Variants in PHKG2 observed in about 807,000 individuals in gnomAD.
PHKG2 encodes phosphorylase kinase catalytic subunit gamma 2, also known as phosphorylase b kinase gamma catalytic chain, liver/testis isoform.
In PHKG2, 28 loss-of-function variants were observed where a neutral mutation model predicts 44.5. The observed-to-expected ratio is 0.63, with a 90% CI of 0.47 to 0.86. PHKG2 has a LOEUF of 0.86. Among genes scored for constraint, PHKG2 ranks in the 40% least tolerant of loss-of-function variants. The probability of loss-of-function intolerance (pLI) is 0.00; values close to 1 mark genes in which losing one functional copy is unlikely to be tolerated. For synonymous variants in PHKG2, 220 were observed against 211.2 expected (o/e 1.04, Z -0.36); for missense variants, 498 against 547.5 (o/e 0.91, Z 0.90).
chr16:30,760,072 T>A lies in PHKG2; in HGVS notation c.*2975T>A. On this transcript the variant is annotated 3_prime_UTR_variant, in exon 10 of 10. Coordinates refer to ENST00000563588, the MANE Select transcript of PHKG2 (RefSeq NM_000294.3). The stretch of plus-strand genomic sequence containing the variant: ...CTATGCATATATTTGCATATATTAT[T>A]TCTCAGAACAGTCCTGTAAAATGTG... The A allele has an allele frequency of 6.5e-7, 1 of 1,532,568 alleles. No individual in the cohort carries two copies. Among genetic ancestry groups the A allele is most frequent in the Non-Finnish European group, 8.7e-7 (1 of 1,145,186 alleles). 94.9% of individuals were successfully genotyped at this position (1,532,568 alleles called of 1,614,324 possible). A position where few individuals can be genotyped will look rare whatever the true frequency, so the allele number is the denominator to read the frequency against.
At position 30,748,798 on chromosome 16, in the gene PHKG2, C is replaced by A. The variant is rs1204069643; in HGVS notation, c.-18-5C>A. 6 of 1,537,664 alleles carry A rather than the reference C, an allele frequency of 3.9e-6. No individual in the cohort carries two copies. The Middle Eastern group carries it at 8.4e-4, about 216-fold the overall frequency. ...CTGCCCTCACTGCCCTCCTCCTCCG[C>A]GCAGGCCCCCGCCTCCTTCAGGATG... On this transcript the variant is annotated splice_polypyrimidine_tract_variant and splice_region_variant and intron_variant, in intron 1 of 9. Coordinates refer to ENST00000563588, the MANE Select transcript of PHKG2 (RefSeq NM_000294.3).
intron 2 of PHKG2, among the ~76,000 whole-genome samples, chr16:30,750,673 C>G (rs920282556): frequency 2.6e-5 from 4 of 152,218 alleles, no homozygotes; most frequent in African/African-American, 9.6e-5. Flanking sequence ...CTTTGGTCTT[C>G]TAGTCAATGG....
intron 4 of PHKG2, among the ~76,000 whole-genome samples, chr16:30,752,214 A>G (rs1440249055): frequency 5.5e-5 from 8 of 144,560 alleles, no homozygotes; most frequent in African/African-American, 1.6e-4. Context: ...CCTGGACAAC[A>G]TGGCGAAACC....
At chr16:30,753,004 C>A in intron 4 of PHKG2, 1 of 599,808 alleles carries the variant, frequency 1.7e-6, no homozygotes, top group South Asian at 1.9e-5. Flanking sequence ...CACAAGAAGT[C>A]TCTTATTTTT....
Position 30,757,784 on chromosome 16 carries a change from C to T in PHKG2, c.*687C>T, listed in dbSNP as rs1033620752. ...ATATAGAGGTAGCAATGTTGTTTCC[C>T]TTTAGGAAATGTTAGCAAGCCCTTG... On this transcript the variant is annotated 3_prime_UTR_variant, in exon 10 of 10. Transcript: ENST00000563588. 4.9e-6 allele frequency: 7 copies of T among 1,431,332 alleles called. No individual in the cohort carries two copies. In the African/African-American group the frequency reaches 1.0e-4, roughly 21 times the overall value. 88.7% of individuals were successfully genotyped at this position (1,431,332 alleles called of 1,614,324 possible). A position where few individuals can be genotyped will look rare whatever the true frequency, so the allele number is the denominator to read the frequency against.
intron 2 of PHKG2, among the ~76,000 whole-genome samples, chr16:30,749,579 C>T (rs1222869341): frequency 6.6e-6 from 1 of 151,774 alleles, no homozygotes; most frequent in African/African-American, 2.4e-5. Context: ...CTCCTGATCT[C>T]GTGATCTGCC....
chr16:30,754,208 C>T (rs1353954824), intron 6 of PHKG2, among the ~76,000 whole-genome samples: 2 of 151,026 alleles, frequency 1.3e-5, no homozygotes, highest in African/African-American at 4.9e-5. Flanking sequence ...CTCTGTCACC[C>T]AGGCTGGGAT....
At chr16:30,755,460 G>A (rs569498904) in intron 6 of PHKG2, among the ~76,000 whole-genome samples, 21 of 152,122 alleles carry the variant, frequency 1.4e-4, no homozygotes, top group African/African-American at 4.8e-4. Flanking sequence ...GGCGGATCAC[G>A]AGTCAGGAGT....
In PHKG2 at chr16:30,758,895, C is replaced by A; in HGVS notation, c.*1798C>A. The A allele has an allele frequency of 1.3e-6, 2 of 1,498,666 alleles. No individual in the cohort carries two copies. The highest frequency in any genetic ancestry group is 1.3e-5 in the South Asian group (1 of 75,512). 92.8% of individuals were successfully genotyped at this position (1,498,666 alleles called of 1,614,324 possible). On this transcript the variant is annotated 3_prime_UTR_variant, in exon 10 of 10. Coordinates refer to ENST00000563588, the MANE Select transcript of PHKG2 (RefSeq NM_000294.3). ...CATCTTGGACTTCTGCATAAGGGAT[C>A]ATTTAGAGAAAGGACTCTGACTAAA...
chr16:30,749,924 A>C lies in PHKG2; in HGVS notation c.95+1009A>C, dbSNP rs568903261. On this transcript the variant is annotated intron_variant, in intron 2 of 9. Transcript: ENST00000563588. ...CAGAAAAGCACACCTTCTCAGGAGGAGTCACCTTTGGGCTGGGTCTTGAGG... is the reference window on the plus strand; with the variant it reads ...CAGAAAAGCACACCTTCTCAGGAGGCGTCACCTTTGGGCTGGGTCTTGAGG... 2.0e-5 allele frequency among the ~76,000 whole-genome samples: 3 copies of C among 152,198 alleles called. No individual in the cohort carries two copies. In the East Asian group the frequency reaches 5.8e-4, roughly 29 times the overall value.
chr16:30,757,617 T>G lies in PHKG2; in HGVS notation c.*520T>G, dbSNP rs1421300486. On this transcript the variant is annotated 3_prime_UTR_variant, in exon 10 of 10. Coordinates refer to ENST00000563588, the MANE Select transcript of PHKG2 (RefSeq NM_000294.3). Reference sequence around the variant, plus strand: ...GGAGCTGCTCCAGCTCTTTGTTCACTTGGGTCTTGATGTAGGCTCGGAGGA... The same window carrying G: ...GGAGCTGCTCCAGCTCTTTGTTCACGTGGGTCTTGATGTAGGCTCGGAGGA... 3 of 1,614,108 alleles carry G rather than the reference T, an allele frequency of 1.9e-6. No individual in the cohort carries two copies. The South Asian group carries it at 3.3e-5, about 18-fold the overall frequency.
chr16:30,752,088 A>G (rs9925349), intron 4 of PHKG2, among the ~76,000 whole-genome samples: 1 of 146,124 alleles, frequency 6.8e-6, no homozygotes, highest in South Asian at 2.2e-4. Flanking sequence ...GTGAGACTCC[A>G]TCTCAAAAAA....
rs142254614 is a variant in PHKG2 at position 30,759,675 on chromosome 16, G to T, written c.*2578G>T. 1 of 1,613,884 alleles carries T rather than the reference G, an allele frequency of 6.2e-7. No homozygotes were observed. The highest frequency in any genetic ancestry group is 1.3e-5 in the African/African-American group (1 of 74,934). On this transcript the variant is annotated 3_prime_UTR_variant, in exon 10 of 10. Coordinates refer to ENST00000563588, the MANE Select transcript of PHKG2 (RefSeq NM_000294.3). ...TGACCCTGACTCCATGGCAAAAAAGGACACTGGTGAAGTAGCGGTAGCACT... is the reference window on the plus strand; with the variant it reads ...TGACCCTGACTCCATGGCAAAAAAGTACACTGGTGAAGTAGCGGTAGCACT...
chr16:30,760,379 C>G lies in PHKG2; in HGVS notation c.*3282C>G, dbSNP rs773861206. 2 of 1,614,070 alleles carry G rather than the reference C, an allele frequency of 1.2e-6. No homozygotes were observed. The highest frequency in any genetic ancestry group is 1.1e-5 in the South Asian group (1 of 91,086). ...CTGGCGGCAGAAAATGAGCGCGTGGCAGAAGAGGTCCAGGGTGATGGCGTC... is the reference window on the plus strand; with the variant it reads ...CTGGCGGCAGAAAATGAGCGCGTGGGAGAAGAGGTCCAGGGTGATGGCGTC... On this transcript the variant is annotated 3_prime_UTR_variant, in exon 10 of 10. Transcript: ENST00000563588.
At chr16:30,753,717 C>G (rs1405904935) in intron 6 of PHKG2, among the ~76,000 whole-genome samples, 160 bp downstream of exon 6, 1 of 152,166 alleles carries the variant, frequency 6.6e-6, no homozygotes, top group Non-Finnish European at 1.5e-5. Flanking sequence ...ATGTTTACCT[C>G]AGAGTGGGCA....
Position 30,753,284 on chromosome 16 carries a change from G to A in PHKG2, c.379G>A (p.Glu127Lys), listed in dbSNP as rs1567261786. 6.2e-7 allele frequency: 1 copy of A among 1,614,086 alleles called. No homozygotes were observed. The highest frequency in any genetic ancestry group is 1.7e-5 in the Admixed American group (1 of 60,012). ...DYLTEKVALS[E>K]KETRSIMRSL... The stretch of plus-strand genomic sequence containing the variant: ...TCTCACAGAGAAGGTGGCCCTCTCT[G>A]AAAAGGAAACCAGGTAAGGGTTGAG... The change falls in exon 5 of 10, where the codon GAA (glutamate) becomes AAA (lysine). Residue 127 changes from glutamate to lysine, a missense_variant. Coordinates refer to ENST00000563588, the MANE Select transcript of PHKG2 (RefSeq NM_000294.3).
chr16:30,751,988 G>T (rs1054585704), intron 4 of PHKG2: 8 of 306,320 alleles, frequency 2.6e-5, no homozygotes, highest in East Asian at 2.5e-4. Flanking sequence ...AGCTACTCGG[G>T]AGGCTGAGGC....
Position 30,760,421 on chromosome 16 carries a change from G to A in PHKG2, c.*3324G>A, listed in dbSNP as rs2053676165. On this transcript the variant is annotated 3_prime_UTR_variant, in exon 10 of 10. Transcript: ENST00000563588. ...GATGGCGTCCCTCAGGCTCTGCTCA[G>A]GACACCCTAGCTCCAGCAGCTCAGC... is the stretch of plus-strand genomic sequence containing the variant. 1.2e-6 allele frequency: 2 copies of A among 1,614,080 alleles called. No homozygotes were observed. Among genetic ancestry groups the A allele is most frequent in the Non-Finnish European group, 1.7e-6 (2 of 1,180,036 alleles).
chr16:30,753,536 G>A lies in PHKG2; in HGVS notation c.535G>A (p.Glu179Lys), dbSNP rs368904522. The change falls in exon 6 of 10, where the codon GAA becomes AAA. Residue 179 changes from glutamate (E) to lysine (K), a missense_variant. Coordinates refer to ENST00000563588, the MANE Select transcript of PHKG2 (RefSeq NM_000294.3). Reference protein sequence around the residue: ...LSDFGFSCHLEPGEKLRELCG... With the variant: ...LSDFGFSCHLKPGEKLRELCG... ...AGATTTCGGGTTCTCCTGCCACTTGGAACCTGGCGAGAAGCTTCGAGGTGA... is the reference window on the plus strand; with the variant it reads ...AGATTTCGGGTTCTCCTGCCACTTGAAACCTGGCGAGAAGCTTCGAGGTGA... The A allele has an allele frequency of 6.2e-7, 1 of 1,614,034 alleles. No homozygotes were observed. Among genetic ancestry groups the A allele is most frequent in the African/African-American group, 1.3e-5 (1 of 74,914 alleles).
Sources: gnomAD v4.1 joint callset for allele counts (sites outside exome capture counted in the v4.1 genomes callset) on GRCh38, gnomAD v4.1.1 for gene constraint, MANE v1.5 for transcripts, NCBI Gene and HGNC (gene_info 2026-07-23, HGNC 2026-07-21) for gene names.